Variants in CYREN observed in about 807,000 individuals in gnomAD.
CYREN encodes the protein cell cycle regulator of NHEJ, also known as cell cycle regulator of non-homologous end joining.
Under a neutral mutation model 9.7 loss-of-function variants are expected in CYREN, and 7 were observed. That is an observed-to-expected ratio of 0.72 (90% CI 0.41 to 1.36). The LOEUF (loss-of-function observed/expected upper bound fraction) is 1.36, where lower values mean the gene tolerates loss of function less well. Ranked by LOEUF, CYREN falls within the 40% of genes most tolerant of loss-of-function variation. The probability of loss-of-function intolerance (pLI) is 0.01; values close to 1 mark genes in which losing one functional copy is unlikely to be tolerated. For synonymous variants in CYREN, 76 were observed against 77.9 expected, an observed-to-expected ratio of 0.98 and a Z score of 0.13; for missense variants, 215 against 198.1, an observed-to-expected ratio of 1.09 and a Z score of -0.51.
At chr7:135,100,802 A>G (rs1309955079) in intron 2 of CYREN, among the ~76,000 whole-genome samples, 3 of 152,240 alleles carry the variant, frequency 2.0e-5, no homozygotes, top group Non-Finnish European at 1.5e-5. Context: ...AAAGTACTGC[A>G]GTTAGAAGAT....
chr7:135,096,392 A>G lies in CYREN; in HGVS notation n.357-1810T>C, dbSNP rs1010474053. On this transcript the variant is annotated intron_variant and non_coding_transcript_variant, in intron 2 of 2. Coordinates refer to the CYREN transcript ENST00000459937. Reference sequence around the variant, plus strand: ...CAGACAGACAGACAGAGAAGGAAGGAAGGGAGGGAGGGAGGAAGGAAGGAA... The same window carrying G: ...CAGACAGACAGACAGAGAAGGAAGGGAGGGAGGGAGGGAGGAAGGAAGGAA... 2.1e-5 allele frequency among the ~76,000 whole-genome samples: 3 copies of G among 141,438 alleles called. No individual in the cohort carries two copies. In the Admixed American group the frequency reaches 2.2e-4, roughly 10 times the overall value. 92.8% of individuals were successfully genotyped at this position (141,438 alleles called of 152,430 possible). A position where few individuals can be genotyped will look rare whatever the true frequency, so the allele number is the denominator to read the frequency against.
intron 2 of CYREN, among the ~76,000 whole-genome samples, chr7:135,100,673 C>CA (rs769994238): frequency 1.3e-5 from 2 of 152,130 alleles, no homozygotes; most frequent in Non-Finnish European, 2.9e-5. Flanking sequence ...TTTGGGCCTA[C>CA]TTTCACTTGG....
chr7:135,164,386 G>GCA, downstream of CYREN: 1 of 1,511,778 alleles, frequency 6.6e-7, no homozygotes, highest in Non-Finnish European at 9.1e-7. Flanking sequence ...AAGCAAGGGA[G>GCA]AGATGGACTG....
chr7:135,105,362 G>A (rs564085942), intron 2 of CYREN, among the ~76,000 whole-genome samples: 4 of 152,160 alleles, frequency 2.6e-5, no homozygotes, highest in East Asian at 1.9e-4. Context: ...AGGCCACTGC[G>A]CCCAACCTAC....
intron 2 of CYREN, among the ~76,000 whole-genome samples, chr7:135,140,546 TTTTA>T (rs1383433139): frequency 1.3e-5 from 2 of 151,998 alleles, no homozygotes; most frequent in South Asian, 4.1e-4. Flanking sequence ...TTTGGACGCC[TTTTA>T]TTTCTTTCTC....
upstream of CYREN, among the ~76,000 whole-genome samples, chr7:135,171,325 TTA>T (rs869273584): frequency 0.041 from 616 of 14,994 alleles, 2 homozygotes; most frequent in Non-Finnish European, 0.33. Flanking sequence ...TTTTTTTTTT[TTA>T]AAAAAAAAAG....
At chr7:135,107,169 G>A (rs1467383137) in intron 2 of CYREN, among the ~76,000 whole-genome samples, 1 of 151,014 alleles carries the variant, frequency 6.6e-6, no homozygotes, top group Non-Finnish European at 1.5e-5. Flanking sequence ...GCCAACTCCT[G>A]GATTAATCGA....
At chr7:135,105,603 G>A (rs1563270855) in intron 2 of CYREN, among the ~76,000 whole-genome samples, 1 of 152,136 alleles carries the variant, frequency 6.6e-6, no homozygotes, top group Admixed American at 6.5e-5. Context: ...GTCTGTTTTT[G>A]TACAGTACCA....
chr7:135,124,522 A>T (rs189635282), intron 2 of CYREN, among the ~76,000 whole-genome samples: 137 of 152,344 alleles, frequency 9.0e-4, no homozygotes, highest in Non-Finnish European at 8.7e-4. Flanking sequence ...TCAGGACTTG[A>T]ACTCTCAGCT....
At chr7:135,128,844 T>A in intron 2 of CYREN, 1 of 1,200,466 alleles carries the variant, frequency 8.3e-7, no homozygotes, top group East Asian at 2.3e-5. Flanking sequence ...GGATGTGGAA[T>A]CATTGTTAAA....
chr7:135,164,702 G>C, downstream of CYREN: 1 of 1,614,248 alleles, frequency 6.2e-7, no homozygotes, highest in Non-Finnish European at 8.5e-7. Flanking sequence ...GGCTTGGCGT[G>C]TACGGGTCCC....
chr7:135,141,971 G>A (rs1003194980), intron 2 of CYREN, among the ~76,000 whole-genome samples: 10 of 152,036 alleles, frequency 6.6e-5, no homozygotes, highest in South Asian at 6.2e-4. Context: ...CCAAGCATGC[G>A]GTTGATCTTA....
At chr7:135,121,386 C>T (rs570981444) in intron 2 of CYREN, among the ~76,000 whole-genome samples, 2 of 152,242 alleles carry the variant, frequency 1.3e-5, no homozygotes, top group South Asian at 4.1e-4. Flanking sequence ...CATCCAACAA[C>T]AGCACAGTAC....
At position 135,112,956 on chromosome 7, in the gene CYREN, T is replaced by C. The variant is rs937436960; in HGVS notation, n.357-18374A>G. Among the ~76,000 whole-genome samples the C allele has an allele frequency of 5.3e-5, 8 of 152,252 alleles. No individual in the cohort carries two copies. In the South Asian group the frequency reaches 1.2e-3, roughly 24 times the overall value. On this transcript the variant is annotated intron_variant and non_coding_transcript_variant, in intron 2 of 2. Transcript: ENST00000459937. ...CATGCCGACTTAATTTTTGTATTTT[T>C]AGTAGAGACAGGGTTTCACCCTGTT...
In CYREN at chr7:135,166,596, T is replaced by G. The variant is rs767814896; in HGVS notation, c.*15A>C. 2 of 1,570,074 alleles carry G rather than the reference T, an allele frequency of 1.3e-6. No homozygotes were observed. Among genetic ancestry groups the G allele is most frequent in the East Asian group, 4.5e-5 (2 of 44,474 alleles). ...CAGCTGCTCTCGGCAGACAGTTCAG[T>G]GCACAGTTTATGCCCTAGCTGAAAA... On this transcript the variant is annotated 3_prime_UTR_variant, in exon 4 of 4. Coordinates refer to ENST00000393114, the MANE Select transcript of CYREN (RefSeq NM_024033.4).
intron 2 of CYREN, among the ~76,000 whole-genome samples, chr7:135,112,937 GA>G (rs1825846354): frequency 1.3e-5 from 2 of 152,114 alleles, no homozygotes; most frequent in African/African-American, 4.8e-5. Context: ...CCACCATGCC[GA>G]CTTAATTTTT....
chr7:135,168,958 A>C lies in CYREN; in HGVS notation c.-36T>G, dbSNP rs1315015412. 4 of 1,522,332 alleles carry C rather than the reference A, an allele frequency of 2.6e-6. No individual in the cohort carries two copies. Among genetic ancestry groups the C allele is most frequent in the Non-Finnish European group, 3.5e-6 (4 of 1,134,786 alleles). 94.3% of individuals were successfully genotyped at this position (1,522,332 alleles called of 1,614,324 possible). A position where few individuals can be genotyped will look rare whatever the true frequency, so the allele number is the denominator to read the frequency against. On this transcript the variant is annotated 5_prime_UTR_variant, in exon 2 of 4. Coordinates refer to ENST00000393114, the MANE Select transcript of CYREN (RefSeq NM_024033.4). ...TCTCACAAAGAAGAGTCAGGGCCCA[A>C]GCTTAATGACCTGTTTTTTAATTCA...
intron 2 of CYREN, among the ~76,000 whole-genome samples, chr7:135,126,704 A>G (rs1419901412): frequency 6.6e-6 from 1 of 152,148 alleles, no homozygotes; most frequent in East Asian, 1.9e-4. Context: ...GAGACCTCAG[A>G]AATAATACCA....
At chr7:135,139,714 T>C (rs545217889) in intron 2 of CYREN, among the ~76,000 whole-genome samples, 1 of 152,170 alleles carries the variant, frequency 6.6e-6, no homozygotes. Context: ...GGTTTTACAT[T>C]TAAGTCTTTA....
Sources: gnomAD v4.1 joint callset for allele counts (sites outside exome capture counted in the v4.1 genomes callset) on GRCh38, gnomAD v4.1.1 for gene constraint, MANE v1.5 for transcripts, NCBI Gene and HGNC (gene_info 2026-07-23, HGNC 2026-07-21) for gene names.